The following CKAP2L variants were observed in gnomAD, a reference collection of about 807,000 sequenced individuals.
CKAP2L encodes the protein cytoskeleton-associated protein 2-like.
CKAP2L carries 42 observed loss-of-function variants against 65.7 expected under a neutral mutation model. The ratio of observed to expected loss-of-function variants is 0.64; its 90% CI spans 0.50 to 0.83. The LOEUF is 0.83. Ranked by LOEUF, CKAP2L falls within the 40% of genes least tolerant of loss-of-function variation. The pLI is 0.00. For missense variants in CKAP2L, 908 were observed against 871.0 expected (o/e 1.04, Z -0.53); for synonymous variants, 325 against 313.5 (o/e 1.04, Z -0.39).
At chr2:112,741,034 G>A (rs756132839) in intron 7 of CKAP2L, 27 bp from the exon 8 acceptor site, 2 of 1,493,340 alleles carry the variant, frequency 1.3e-6, no homozygotes, top group Non-Finnish European at 1.8e-6. Context: ...ATGAAGGAAA[G>A]TAAGATTTAC....
chr2:112,740,293 T>G (rs1228811883), intron 8 of CKAP2L, among the ~76,000 whole-genome samples: 1 of 152,196 alleles, frequency 6.6e-6, no homozygotes, highest in African/African-American at 2.4e-5. Flanking sequence ...GTGCCCTTGT[T>G]TGGAATTCTT....
At chr2:112,763,392 C>T (rs10221829) in intron 1 of CKAP2L, among the ~76,000 whole-genome samples, 3,753 of 152,080 alleles carry the variant, frequency 0.025, 139 homozygotes, top group African/African-American at 0.085. Flanking sequence ...TTTGTTGGTA[C>T]TAAGGATAAA....
Position 112,746,634 on chromosome 2 carries a change from C to T in CKAP2L, c.1603-59G>A, listed in dbSNP as rs1407241681. The T allele has an allele frequency of 6.2e-6, 8 of 1,286,198 alleles. No homozygotes were observed. The East Asian group carries it at 1.4e-4, about 23-fold the overall frequency. 79.7% of individuals were successfully genotyped at this position (1,286,198 alleles called of 1,614,324 possible). A position where few individuals can be genotyped will look rare whatever the true frequency, so the allele number is the denominator to read the frequency against. ...TACCATTTCACTGTTAGTCTCACAT[C>T]TCCTAATATTTATTACAGCAGGTAT... On this transcript the variant is annotated intron_variant, in intron 5 of 8. Transcript: ENST00000302450.
chr2:112,756,624 T>C lies in CKAP2L; in HGVS notation c.747A>G (p.Thr249=). 6.2e-7 allele frequency: 1 copy of C among 1,611,800 alleles called. No individual in the cohort carries two copies. The highest frequency in any genetic ancestry group is 8.5e-7 in the Non-Finnish European group (1 of 1,179,326). Residue 249 remains threonine (T), a synonymous_variant, in exon 4 of 9, where the codon ACA becomes ACG. Coordinates refer to ENST00000302450, the MANE Select transcript of CKAP2L (RefSeq NM_152515.5). ...DRVNKQFVGE[T]QSRTFPVKSQ... Reference sequence around the variant, plus strand: ...ATTTTACTGGGAAAGTCCTGCTTTGTGTTTCTCCAACAAATTGTTTATTAA... The same window carrying C: ...ATTTTACTGGGAAAGTCCTGCTTTGCGTTTCTCCAACAAATTGTTTATTAA...
intron 6 of CKAP2L, among the ~76,000 whole-genome samples, chr2:112,744,179 G>A (rs997478377): frequency 2.0e-5 from 3 of 152,094 alleles, no homozygotes; most frequent in Non-Finnish European, 2.9e-5. Flanking sequence ...TTAAATATAC[G>A]TTTATTTCTA....
intron 2 of CKAP2L, among the ~76,000 whole-genome samples, chr2:112,762,021 A>G (rs554275530): frequency 1.2e-4 from 19 of 152,382 alleles, no homozygotes; most frequent in African/African-American, 4.3e-4. Context: ...TACAAAGGAT[A>G]AAAATGAAGT....
chr2:112,736,883 CTGCCACAAACA>C lies in CKAP2L; in HGVS notation c.*1929_*1939del, dbSNP rs1408084641. The C allele has an allele frequency of 6.6e-6, 1 of 152,126 alleles. No individual in the cohort carries two copies. Among genetic ancestry groups the C allele is most frequent in the African/African-American group, 2.4e-5 (1 of 41,410 alleles). The allele number at this position is 152,126 out of a possible 1,614,324, so 9.4% of individuals were successfully genotyped here. A position where few individuals can be genotyped will look rare whatever the true frequency, so the allele number is the denominator to read the frequency against. The stretch of plus-strand genomic sequence containing the variant: ...CACATCTTGGCTATTGAGAATAACA[CTGCCACAAACA>C]TGTGAGTGCAGATATCTTTATGAGG... On this transcript the variant is annotated 3_prime_UTR_variant, in exon 9 of 9. Transcript: ENST00000302450.
Position 112,737,560 on chromosome 2 carries a change from T to C in CKAP2L, c.*1263A>G, listed in dbSNP as rs1443046670. The C allele has an allele frequency of 6.6e-6, 1 of 152,218 alleles. No individual in the cohort carries two copies. Among genetic ancestry groups the C allele is most frequent in the Non-Finnish European group, 1.5e-5 (1 of 68,038 alleles). 9.4% of individuals were successfully genotyped at this position (152,218 alleles called of 1,614,324 possible). ...AATGTCTGCTCAGGTCCTTTGCCCA[T>C]TTTTAATTATTAGTTTTTCCACAAT... is the stretch of plus-strand genomic sequence containing the variant. On this transcript the variant is annotated 3_prime_UTR_variant, in exon 9 of 9. Transcript: ENST00000302450.
At position 112,746,449 on chromosome 2, in the gene CKAP2L, A is replaced by G; in HGVS notation, c.1729T>C (p.Tyr577His). The G allele has an allele frequency of 3.7e-6, 6 of 1,612,480 alleles. No individual in the cohort carries two copies. The highest frequency in any genetic ancestry group is 5.1e-6 in the Non-Finnish European group (6 of 1,178,874). The change falls in exon 6 of 9, where the codon TAT becomes CAT. Residue 577 changes from tyrosine (Y) to histidine (H), a missense_variant. Transcript: ENST00000302450. ...GCCCCATTTTTAATGGCCTCTTCAT[A>G]TAGCCCAATAACATCAAAGGTGCCT... ...SKGTFDVIGL[Y>H]EEAIKNGATP...
At position 112,752,293 on chromosome 2, in the gene CKAP2L, T is replaced by G. The variant is rs1680394702; in HGVS notation, c.1576A>C (p.Thr526Pro). 6.2e-7 allele frequency: 1 copy of G among 1,613,300 alleles called. No individual in the cohort carries two copies. The highest frequency in any genetic ancestry group is 1.7e-5 in the Admixed American group (1 of 59,996). Residue 526 changes from threonine (T) to proline (P), a missense_variant, in exon 5 of 9, where the codon ACA (threonine) becomes CCA (proline). Thr to Pro is a conservative substitution (Grantham distance 38, BLOSUM62 -1). Coordinates refer to ENST00000302450, the MANE Select transcript of CKAP2L (RefSeq NM_152515.5). ...CCTTCGATGAGGTTCAGACATTCTG[T>G]CAGAGTGTTGTTAATTTTACTGGAC... ...ELSSKINNTLTECLNLIEGGV... is the reference protein window; with the variant it reads ...ELSSKINNTLPECLNLIEGGV...
At position 112,757,236 on chromosome 2, in the gene CKAP2L, A is replaced by G. The variant is rs761583915; in HGVS notation, c.157-22T>C. ...TAGTCTGAAAAAACAAAGAAAATAC[A>G]TATTAAAAAATCCTTAACATATCTT... On this transcript the variant is annotated intron_variant, in intron 3 of 8. Transcript: ENST00000302450. 1.1e-5 allele frequency: 17 copies of G among 1,492,556 alleles called. 1 individual carries two copies. The East Asian group carries it at 3.4e-4, about 30-fold the overall frequency. The allele number at this position is 1,492,556 out of a possible 1,614,324, so 92.5% of individuals were successfully genotyped here.
intron 4 of CKAP2L, among the ~76,000 whole-genome samples, chr2:112,753,532 T>C (rs1051921750): frequency 3.6e-4 from 50 of 140,794 alleles, no homozygotes; most frequent in Admixed American, 7.6e-4. Context: ...TTTTCTTTTT[T>C]TTTTTTTTTT....
chr2:112,741,792 C>A (rs1434429244), intron 7 of CKAP2L, among the ~76,000 whole-genome samples: 1 of 152,050 alleles, frequency 6.6e-6, no homozygotes, highest in Non-Finnish European at 1.5e-5. Flanking sequence ...TGGAGTTTCG[C>A]TCTTGTTGTC....
intron 5 of CKAP2L, among the ~76,000 whole-genome samples, chr2:112,751,689 T>A (rs1170074084): frequency 2.0e-5 from 3 of 152,164 alleles, no homozygotes; most frequent in African/African-American, 4.8e-5. Context: ...ACTGAATGAG[T>A]TTTGCTCTAG....
chr2:112,763,514 G>A (rs966782574), intron 1 of CKAP2L, among the ~76,000 whole-genome samples: 30 of 152,056 alleles, frequency 2.0e-4, no homozygotes, highest in African/African-American at 7.2e-4. Flanking sequence ...TTTCAAACTA[G>A]TAGTGGAGAT....
chr2:112,761,548 T>C (rs1271256436), intron 2 of CKAP2L, among the ~76,000 whole-genome samples: 4 of 145,700 alleles, frequency 2.7e-5, no homozygotes, highest in African/African-American at 7.7e-5. Flanking sequence ...TAAAGAAATA[T>C]TAAAAAAAAA....
chr2:112,752,142 T>C (rs1003034471), intron 5 of CKAP2L, 125 bp downstream of exon 5: 2 of 677,364 alleles, frequency 3.0e-6, no homozygotes, highest in Non-Finnish European at 5.2e-6. Flanking sequence ...TATTACTCTG[T>C]ATTTACAAGA....
rs2104836553 is a variant in CKAP2L, at chr2:112,738,633, T to TAA, written c.*188_*189dup. ...TACTGTAAAACTGGCAAACTGGTCT[T>TAA]AAACACATAAAGCAAAGATTTTCCC... On this transcript the variant is annotated 3_prime_UTR_variant, in exon 9 of 9. Transcript: ENST00000302450. 2 of 595,298 alleles carry TAA rather than the reference T, an allele frequency of 3.4e-6. No individual in the cohort carries two copies. Among genetic ancestry groups the TAA allele is most frequent in the Non-Finnish European group, 6.0e-6 (2 of 335,850 alleles). The allele number at this position is 595,298 out of a possible 1,614,324, so 36.9% of individuals were successfully genotyped here. A position where few individuals can be genotyped will look rare whatever the true frequency, so the allele number is the denominator to read the frequency against.
In CKAP2L at chr2:112,743,596, T is replaced by C. The variant is rs546838215; in HGVS notation, c.1759-827A>G. Among the ~76,000 whole-genome samples, 3 of 151,966 alleles carry C rather than the reference T, an allele frequency of 2.0e-5. No homozygotes were observed. The East Asian group carries it at 5.8e-4, about 29-fold the overall frequency. On this transcript the variant is annotated intron_variant, in intron 6 of 8. Coordinates refer to ENST00000302450, the MANE Select transcript of CKAP2L (RefSeq NM_152515.5). ...GGGATTACAGGCATGCGCCACCCCATCTGGCTAATTTTTCTATTTTTAGTA... is the reference window on the plus strand; with the variant it reads ...GGGATTACAGGCATGCGCCACCCCACCTGGCTAATTTTTCTATTTTTAGTA...
Sources: allele counts gnomAD v4.1 joint callset (sites outside exome capture counted in the v4.1 genomes callset), GRCh38; gene constraint gnomAD v4.1.1; transcripts MANE v1.5; gene names NCBI Gene and HGNC (gene_info 2026-07-23, HGNC 2026-07-21).